The following DNMT3A variants were observed in gnomAD, a reference collection of about 807,000 sequenced individuals.
DNMT3A encodes the protein DNA methyltransferase 3 alpha.
Under a neutral mutation model 117.6 loss-of-function variants are expected in DNMT3A, and 267 were observed. The observed-to-expected ratio is 2.27, with a 90% confidence interval of 2.05 to 2.51. The LOEUF is 2.51. DNMT3A is among the 30% of genes most tolerant of loss of function. The pLI is 0.00. For synonymous variants in DNMT3A, 432 were observed against 474.8 expected (o/e 0.91, Z 1.17); for missense variants, 1,029 against 1,260.2 (o/e 0.82, Z 2.78).
rs999779011 is a variant in DNMT3A at position 25,241,719 on chromosome 2, A to G, written c.1937-12T>C. On this transcript the variant is annotated splice_polypyrimidine_tract_variant and intron_variant, in intron 16 of 22. Coordinates refer to ENST00000321117, the MANE Select transcript of DNMT3A (RefSeq NM_022552.5). ...CAGCACCAGGAGCCCTGCACCAGCC[A>G]GCAGACAGCACCGTTACTTGGAGCC... 2 of 1,612,976 alleles carry G rather than the reference A, an allele frequency of 1.2e-6. No homozygotes were observed. The highest frequency in any genetic ancestry group is 1.1e-5 in the South Asian group (1 of 90,822).
At chr2:25,240,819 G>A in intron 17 of DNMT3A, 89 bp from the exon 18 acceptor site, 1 of 1,343,266 alleles carries the variant, frequency 7.4e-7, no homozygotes. Flanking sequence ...ACTTGGCAAA[G>A]AAGTCCTTTG....
At chr2:25,319,822 T>G (rs2034526648) in intron 1 of DNMT3A, among the ~76,000 whole-genome samples, 1 of 151,376 alleles carries the variant, frequency 6.6e-6, no homozygotes, top group Non-Finnish European at 1.5e-5. Context: ...CAGGCTGGAG[T>G]GCAGTGGCGC....
intron 6 of DNMT3A, among the ~76,000 whole-genome samples, chr2:25,273,702 G>A (rs759984756): frequency 6.6e-6 from 1 of 152,060 alleles, no homozygotes; most frequent in African/African-American, 2.4e-5. Context: ...AGCCCTCCAC[G>A]GGCTGTTCCC....
chr2:25,319,084 G>A (rs75904251), intron 1 of DNMT3A, among the ~76,000 whole-genome samples: 11,417 of 145,566 alleles, frequency 0.078, 501 homozygotes, highest in Non-Finnish European at 0.1. Flanking sequence ...GTGGGATCTC[G>A]GCTCACTGCA....
At chr2:25,312,830 C>A (rs1483627475) in intron 2 of DNMT3A, among the ~76,000 whole-genome samples, 3 of 152,292 alleles carry the variant, frequency 2.0e-5, no homozygotes, top group South Asian at 2.1e-4. Flanking sequence ...CTGCCTCTAG[C>A]CCCAGAGTGC....
intron 3 of DNMT3A, among the ~76,000 whole-genome samples, chr2:25,284,368 C>T (rs2032122695): frequency 6.6e-6 from 1 of 152,036 alleles, no homozygotes; most frequent in Non-Finnish European, 1.5e-5. Context: ...AAACTGTAGC[C>T]AGGCGTGGTG....
intron 1 of DNMT3A, chr2:25,328,507 T>C: frequency 2.5e-6 from 1 of 392,314 alleles, no homozygotes. Context: ...TCATTGAGTG[T>C]TCCATGCGTA....
At position 25,337,143 on chromosome 2, in the gene DNMT3A, G is replaced by C. The variant is rs967661551; in HGVS notation, c.-178+4683C>G. 6.6e-6 allele frequency among the ~76,000 whole-genome samples: 1 copy of C among 152,192 alleles called. No individual in the cohort carries two copies. The highest frequency in any genetic ancestry group is 2.1e-4 in the South Asian group (1 of 4,830). Reference sequence around the variant, plus strand: ...GAGAATAACGAGCTGAAACTACAGCGGGAGGGATTTCAGGTGGAAGCAAAA... The same window carrying C: ...GAGAATAACGAGCTGAAACTACAGCCGGAGGGATTTCAGGTGGAAGCAAAA... On this transcript the variant is annotated intron_variant, in intron 1 of 22. Coordinates refer to ENST00000321117, the MANE Select transcript of DNMT3A (RefSeq NM_022552.5). This position sits in a 1 kb window ranked among gnomAD's most constrained non-coding sequence, Gnocchi z 5.0.
intron 6 of DNMT3A, among the ~76,000 whole-genome samples, chr2:25,255,676 G>A (rs1322904590): frequency 6.6e-6 from 1 of 152,196 alleles, no homozygotes; most frequent in African/African-American, 2.4e-5. Flanking sequence ...ATTTTCCAAT[G>A]ACTCTGATAC....
In DNMT3A at chr2:25,314,749, C is replaced by T. The variant is rs527267166; in HGVS notation, c.-177-588G>A. Reference sequence around the variant, plus strand: ...GCCTAGGAGGGAGAGGCCACGGCCACGGCCAAGGCCACAGGCCACGGCCAC... The same window carrying T: ...GCCTAGGAGGGAGAGGCCACGGCCATGGCCAAGGCCACAGGCCACGGCCAC... On this transcript the variant is annotated intron_variant, in intron 1 of 22. Transcript: ENST00000321117. 2.8e-5 allele frequency: 27 copies of T among 976,206 alleles called. No individual in the cohort carries two copies. The East Asian group carries it at 9.1e-4, about 33-fold the overall frequency. 60.5% of individuals were successfully genotyped at this position (976,206 alleles called of 1,614,324 possible). A position where few individuals can be genotyped will look rare whatever the true frequency, so the allele number is the denominator to read the frequency against.
Position 25,281,426 on chromosome 2 carries a change from A to G in DNMT3A, c.448+1015T>C, listed in dbSNP as rs559063217. ...TGGGAGCATCATACATATTTGTCGAATAATAAATGAATAAAAGCTTCTTAA... is the reference window on the plus strand; with the variant it reads ...TGGGAGCATCATACATATTTGTCGAGTAATAAATGAATAAAAGCTTCTTAA... On this transcript the variant is annotated intron_variant, in intron 4 of 22. Transcript: ENST00000321117. The surrounding 1 kb of genome is among the most constrained non-coding windows in gnomAD (Gnocchi z 4.8). The G allele has an allele frequency of 2.6e-5, 27 of 1,033,196 alleles. No homozygotes were observed. In the African/African-American group the frequency reaches 3.4e-4, roughly 13 times the overall value. The allele number at this position is 1,033,196 out of a possible 1,614,324, so 64.0% of individuals were successfully genotyped here. A position where few individuals can be genotyped will look rare whatever the true frequency, so the allele number is the denominator to read the frequency against.
rs371511179 is a variant in DNMT3A at position 25,314,421 on chromosome 2, C to G, written c.-177-260G>C. 3.6e-5 allele frequency: 35 copies of G among 985,370 alleles called. No individual in the cohort carries two copies. In the East Asian group the frequency reaches 2.0e-3, roughly 57 times the overall value. The allele number at this position is 985,370 out of a possible 1,614,324, so 61.0% of individuals were successfully genotyped here. A position where few individuals can be genotyped will look rare whatever the true frequency, so the allele number is the denominator to read the frequency against. On this transcript the variant is annotated intron_variant, in intron 1 of 22. Coordinates refer to ENST00000321117, the MANE Select transcript of DNMT3A (RefSeq NM_022552.5). Reference sequence around the variant, plus strand: ...CCAATGGGTGCCACTTCTGGGACCTCCAGCTGCCTCCGCCTCCTCCCTTCT... The same window carrying G: ...CCAATGGGTGCCACTTCTGGGACCTGCAGCTGCCTCCGCCTCCTCCCTTCT...
intron 2 of DNMT3A, among the ~76,000 whole-genome samples, chr2:25,309,544 A>G (rs576737932): frequency 6.6e-6 from 1 of 152,208 alleles, no homozygotes; most frequent in South Asian, 2.1e-4. Context: ...AATTCTCATC[A>G]CATCACCACC....
At chr2:25,324,303 T>G (rs1056893310) in intron 1 of DNMT3A, among the ~76,000 whole-genome samples, 3 of 152,232 alleles carry the variant, frequency 2.0e-5, no homozygotes, top group Non-Finnish European at 2.9e-5. Flanking sequence ...ATCCCCATTT[T>G]ATAGAAGACA....
chr2:25,304,704 G>A lies in DNMT3A; in HGVS notation c.73-4461C>T, dbSNP rs1334823702. On this transcript the variant is annotated intron_variant, in intron 2 of 22. Transcript: ENST00000321117. The surrounding 1 kb of genome is among the most constrained non-coding windows in gnomAD (Gnocchi z 4.3). ...ATGTGCAGGGCGGTCCCCAGGATTT[G>A]GCTGGATCGCCTTGGTCTCTTCTCC... is the stretch of plus-strand genomic sequence containing the variant. Among the ~76,000 whole-genome samples, 2 of 152,242 alleles carry A rather than the reference G, an allele frequency of 1.3e-5. No individual in the cohort carries two copies. Among genetic ancestry groups the A allele is most frequent in the Non-Finnish European group, 2.9e-5 (2 of 68,042 alleles).
chr2:25,291,486 G>C (rs1385522035), intron 3 of DNMT3A, among the ~76,000 whole-genome samples: 1 of 152,248 alleles, frequency 6.6e-6, no homozygotes, highest in Non-Finnish European at 1.5e-5. Flanking sequence ...GGGGTGGATG[G>C]AGCAAGCTCC....
Position 25,248,174 on chromosome 2 carries a change from C to A in DNMT3A, c.718G>T (p.Glu240Ter), listed in dbSNP as rs1675083762. The change falls in exon 7 of 23, where the codon GAG becomes TAG. Residue 240 changes from glutamate to a stop codon, truncating the protein, a stop_gained. Transcript: ENST00000321117. LOFTEE classifies it high-confidence loss of function. ...TGCACAGCAGGAGGGCTGGCCTCCT[C>A]CACCTTCTGAGACTCCCCGGGCCCC... ...NQGPGESQKV[E>*]EASPPAVQQP... is the part of the protein sequence containing the mutation. 1.9e-6 allele frequency: 3 copies of A among 1,613,826 alleles called. No homozygotes were observed. Among genetic ancestry groups the A allele is most frequent in the Non-Finnish European group, 2.5e-6 (3 of 1,179,960 alleles).
intron 18 of DNMT3A, 68 bp from the exon 19 acceptor site, chr2:25,240,518 C>G (rs982494321): frequency 1.9e-6 from 3 of 1,578,204 alleles, no homozygotes; most frequent in Middle Eastern, 1.9e-4. Context: ...GGCTCGGGCA[C>G]GGGGAGGGCA....
In DNMT3A at chr2:25,282,341, C is replaced by T. The variant is rs2031942874; in HGVS notation, c.448+100G>A. The T allele has an allele frequency of 3.3e-6, 5 of 1,529,462 alleles. No homozygotes were observed. Among genetic ancestry groups the T allele is most frequent in the Non-Finnish European group, 4.4e-6 (5 of 1,133,506 alleles). The allele number at this position is 1,529,462 out of a possible 1,614,324, so 94.7% of individuals were successfully genotyped here. A position where few individuals can be genotyped will look rare whatever the true frequency, so the allele number is the denominator to read the frequency against. On this transcript the variant is annotated intron_variant, in intron 4 of 22. Coordinates refer to ENST00000321117, the MANE Select transcript of DNMT3A (RefSeq NM_022552.5). The surrounding 1 kb of genome is among the most constrained non-coding windows in gnomAD (Gnocchi z 5.2). ...TGGCAAGCAGACCTTTAGCCACGAC[C>T]CAGACCATCCTTCCTGGGACCTGCT...
Sources: gnomAD v4.1 joint callset for allele counts (sites outside exome capture counted in the v4.1 genomes callset) on GRCh38, gnomAD v4.1.1 for gene constraint, Gnocchi (gnomAD v3.1) non-coding constraint, MANE v1.5 for transcripts, NCBI Gene and HGNC (gene_info 2026-07-23, HGNC 2026-07-21) for gene names.